Variants in KIF1A observed in about 807,000 individuals in gnomAD.
The protein encoded by KIF1A is kinesin family member 1A, also known as kinesin-like protein KIF1A.
In KIF1A, 46 loss-of-function variants were observed where a neutral mutation model predicts 227.3. The ratio of observed to expected loss-of-function variants is 0.20; its 90% CI spans 0.16 to 0.26. The LOEUF is 0.26. Among genes scored for constraint, KIF1A ranks in the 10% least tolerant of loss-of-function variants. The pLI is 1.00. For missense variants in KIF1A, 1,683 were observed against 2,485.9 expected, an observed-to-expected ratio of 0.68 and a Z score of 6.87; for synonymous variants, 1,022 against 1,012.8, an observed-to-expected ratio of 1.01 and a Z score of -0.17.
intron 38 of KIF1A, chr2:240,734,634 G>A (rs900882950): frequency 4.0e-5 from 40 of 1,002,534 alleles, no homozygotes; most frequent in Middle Eastern, 2.4e-4. Flanking sequence ...CTTCTCAGGG[G>A]CATGGGGGGC....
chr2:240,746,223 A>C (rs2048582081), intron 29 of KIF1A, 46 bp from the exon 30 acceptor site: 4 of 1,545,072 alleles, frequency 2.6e-6, no homozygotes, highest in Non-Finnish European at 3.5e-6. Flanking sequence ...GAGCCAGCCG[A>C]GGAGGGGCAC....
In KIF1A at chr2:240,792,313, G is replaced by A. The variant is rs1473344292; in HGVS notation, c.107-3001C>T. 1.3e-5 allele frequency among the ~76,000 whole-genome samples: 2 copies of A among 152,072 alleles called. No homozygotes were observed. Among genetic ancestry groups the A allele is most frequent in the African/African-American group, 4.8e-5 (2 of 41,404 alleles). ...TTCCTTGTGCAGGTTTGAGGAGGGA[G>A]GAGGGAGAAACAGGTCCTCCCAGGG... On this transcript the variant is annotated intron_variant, in intron 2 of 48. Transcript: ENST00000498729. The surrounding 1 kb of genome is among the most constrained non-coding windows in gnomAD (Gnocchi z 4.5).
chr2:240,737,164 G>T lies in KIF1A; in HGVS notation c.3906C>A (p.Arg1302=). The change falls in exon 38 of 49, where the codon CGC becomes CGA. Residue 1302 remains arginine, a synonymous_variant. Coordinates refer to ENST00000498729, the MANE Select transcript of KIF1A (RefSeq NM_001244008.2). ...WKEVRELVVG[R]IRNTPETDES... ...CGTCGGTCTCTGGAGTGTTTCGGAT[G>T]CGGCCTGCAGAAAAGGCAACGGGCC... 1 of 1,613,306 alleles carries T rather than the reference G, an allele frequency of 6.2e-7. No individual in the cohort carries two copies.
At chr2:240,818,493 T>C (rs1040065330) in intron 1 of KIF1A, among the ~76,000 whole-genome samples, 1 of 152,228 alleles carries the variant, frequency 6.6e-6, no homozygotes, top group Non-Finnish European at 1.5e-5. Context: ...GCCCTGGCCC[T>C]GGCCCATCCC....
chr2:240,741,480 C>T (rs893655361), intron 34 of KIF1A, 103 bp from the exon 35 acceptor site: 7 of 825,160 alleles, frequency 8.5e-6, no homozygotes, highest in Admixed American at 3.1e-5. Flanking sequence ...GACTCAGAGG[C>T]AGCAAGGGCA....
chr2:240,744,438 A>C (rs968754832), intron 32 of KIF1A, among the ~76,000 whole-genome samples: 20 of 152,146 alleles, frequency 1.3e-4, no homozygotes, highest in African/African-American at 4.3e-4. Flanking sequence ...CCCCTCACCA[A>C]ATTCGTATGT....
intron 1 of KIF1A, among the ~76,000 whole-genome samples, chr2:240,818,181 C>A (rs2058463721): frequency 6.6e-6 from 1 of 152,190 alleles, no homozygotes; most frequent in Non-Finnish European, 1.5e-5. Flanking sequence ...TGATTCCAGC[C>A]TCTGTCCACC....
rs777473390 is a variant in KIF1A, at chr2:240,721,841, T to C, written c.4709A>G (p.His1570Arg). 2 of 1,607,564 alleles carry C rather than the reference T, an allele frequency of 1.2e-6. No homozygotes were observed. Among genetic ancestry groups the C allele is most frequent in the Non-Finnish European group, 1.7e-6 (2 of 1,179,430 alleles). Residue 1570 changes from histidine to arginine, a missense_variant, in exon 44 of 49, where the codon CAC becomes CGC. Coordinates refer to ENST00000498729, the MANE Select transcript of KIF1A (RefSeq NM_001244008.2). ...LTHTFNREYT[H>R]SHVCVSASES... is the part of the protein sequence containing the mutation. ...GCTGGCACTGACGCAGACGTGGCTG[T>C]GTGTGTACTCTCTGTTGAATGTGTG... is the stretch of plus-strand genomic sequence containing the variant.
At chr2:240,723,634 A>G in intron 41 of KIF1A, 76 bp from the exon 42 acceptor site, 1 of 1,448,046 alleles carries the variant, frequency 6.9e-7, no homozygotes, top group Non-Finnish European at 9.2e-7. Flanking sequence ...AGGTCCGCCC[A>G]TCTGTGAAGC....
At chr2:240,745,554 G>A (rs1315396938) in intron 31 of KIF1A, 37 bp from the exon 32 acceptor site, 5 of 1,564,142 alleles carry the variant, frequency 3.2e-6, no homozygotes, top group East Asian at 4.5e-5. Context: ...GTGGGGTGGG[G>A]GACTTGGGAT....
At chr2:240,814,708 C>CT (rs1336969295) in intron 1 of KIF1A, among the ~76,000 whole-genome samples, 2 of 152,152 alleles carry the variant, frequency 1.3e-5, no homozygotes, top group Non-Finnish European at 2.9e-5. Flanking sequence ...AGGAGGATTG[C>CT]TTAAGCCCAG....
At chr2:240,717,745 C>A (rs1575509936) in intron 48 of KIF1A, among the ~76,000 whole-genome samples, 1 of 152,228 alleles carries the variant, frequency 6.6e-6, no homozygotes, top group South Asian at 2.1e-4. Context: ...CCACAAGAAG[C>A]CACAACTCAG....
intron 29 of KIF1A, 31 bp from the exon 30 acceptor site, chr2:240,746,208 G>A (rs1423072835): frequency 5.8e-6 from 9 of 1,548,600 alleles, no homozygotes; most frequent in Non-Finnish European, 7.9e-6. Context: ...GTCAGAGAGA[G>A]CCAGGAGCCA....
intron 42 of KIF1A, 53 bp downstream of exon 42, chr2:240,723,360 A>G: frequency 6.8e-7 from 1 of 1,481,126 alleles, no homozygotes; most frequent in Non-Finnish European, 9.1e-7. Flanking sequence ...TGCTCTGCAC[A>G]CAAAGCCACA....
At position 240,744,698 on chromosome 2, in the gene KIF1A, C is replaced by T. The variant is rs186352027; in HGVS notation, c.3466-638G>A. ...AGAAGGGGGCAATCCTGCCCACACC[C>T]TCATCCCGGGCTTCCAGCCTCCAGA... On this transcript the variant is annotated intron_variant, in intron 32 of 48. Coordinates refer to ENST00000498729, the MANE Select transcript of KIF1A (RefSeq NM_001244008.2). 2.0e-3 allele frequency among the ~76,000 whole-genome samples: 299 copies of T among 152,292 alleles called. 2 individuals are homozygous for T. Among genetic ancestry groups the T allele is most frequent in the African/African-American group, 6.6e-3 (276 of 41,556 alleles).
chr2:240,786,636 C>CACCACCAGGACCCCTGAGGGGATGGGA lies in KIF1A; in HGVS notation c.430-124_430-123insTCCCATCCCCTCAGGGGTCCTGGTGGT, dbSNP rs1559529307. On this transcript the variant is annotated intron_variant, in intron 5 of 48. Coordinates refer to ENST00000498729, the MANE Select transcript of KIF1A (RefSeq NM_001244008.2). ...GACCCCTGAGTGAGGAGATGGGGGC[C>CACCACCAGGACCCCTGAGGGGATGGGA]GCCATCAGGACCCCTGAGTGAGGGG... is the stretch of plus-strand genomic sequence containing the variant. 8 of 852,242 alleles carry CACCACCAGGACCCCTGAGGGGATGGGA rather than the reference C, an allele frequency of 9.4e-6. No individual in the cohort carries two copies. In the African/African-American group the frequency reaches 1.1e-4, roughly 12 times the overall value. The allele number at this position is 852,242 out of a possible 1,614,324, so 52.8% of individuals were successfully genotyped here.
chr2:240,788,207 C>T lies in KIF1A; in HGVS notation c.207G>A (p.Ser69=), dbSNP rs775973976. Residue 69 remains serine (S), a synonymous_variant, in exon 4 of 49, where the codon TCG becomes TCA. Transcript: ENST00000498729. This position sits in a 1 kb window ranked among gnomAD's most constrained non-coding sequence, Gnocchi z 6.6. ...HTSPEDINYA[S]QKQVYRDIGE... is the part of the protein sequence containing the mutation. ...CGATGTCCCGGTACACCTGCTTCTG[C>T]GACGCGTAGTTGATGTCCTCAGGCT... 21 of 1,613,694 alleles carry T rather than the reference C, an allele frequency of 1.3e-5. No individual in the cohort carries two copies. Among genetic ancestry groups the T allele is most frequent in the East Asian group, 4.5e-5 (2 of 44,890 alleles).
rs180997976 is a variant in KIF1A, at chr2:240,766,547, A to T, written c.1684+368T>A. Among the ~76,000 whole-genome samples, 37 of 152,080 alleles carry T rather than the reference A, an allele frequency of 2.4e-4. No homozygotes were observed. In the East Asian group the frequency reaches 5.2e-3, roughly 21 times the overall value. ...ATGAACATCCTCCACCCTGGGCCCC[A>T]ACACGCTTCCCGGCCAGCAGCCCAC... is the stretch of plus-strand genomic sequence containing the variant. On this transcript the variant is annotated intron_variant, in intron 19 of 48. Transcript: ENST00000498729. This position sits in a 1 kb window ranked among gnomAD's most constrained non-coding sequence, Gnocchi z 5.0.
In KIF1A at chr2:240,717,097, C is replaced by T. The variant is rs934101335; in HGVS notation, c.*267G>A. 9 of 465,850 alleles carry T rather than the reference C, an allele frequency of 1.9e-5. No homozygotes were observed. The highest frequency in any genetic ancestry group is 1.6e-4 in the East Asian group (5 of 31,192). 28.9% of individuals were successfully genotyped at this position (465,850 alleles called of 1,614,324 possible). ...ATATTAGAACGGCAGCAAGAACCCCCGTAACCTGTGCCCTTGGCCCCCCCA... is the reference window on the plus strand; with the variant it reads ...ATATTAGAACGGCAGCAAGAACCCCTGTAACCTGTGCCCTTGGCCCCCCCA... On this transcript the variant is annotated 3_prime_UTR_variant, in exon 49 of 49. Coordinates refer to ENST00000498729, the MANE Select transcript of KIF1A (RefSeq NM_001244008.2).
Sources: gnomAD v4.1 joint callset for allele counts (sites outside exome capture counted in the v4.1 genomes callset) on GRCh38, gnomAD v4.1.1 for gene constraint, Gnocchi (gnomAD v3.1) non-coding constraint, MANE v1.5 for transcripts, NCBI Gene and HGNC (gene_info 2026-07-23, HGNC 2026-07-21) for gene names.